The following FAAH2 variants were observed in gnomAD, a reference collection of about 807,000 sequenced individuals.
FAAH2 encodes the protein fatty-acid amide hydrolase 2.
In FAAH2, 60 loss-of-function variants were observed where a neutral mutation model predicts 36.9. That is an observed-to-expected ratio of 1.63 (90% CI 1.32 to 2.02). The LOEUF (loss-of-function observed/expected upper bound fraction) is 2.02. Ranked by LOEUF, FAAH2 falls within the 30% of genes most tolerant of loss-of-function variation. The probability of loss-of-function intolerance (pLI) is 0.00; values close to 1 mark genes in which losing one functional copy is unlikely to be tolerated. For missense variants in FAAH2, 689 were observed against 397.5 expected, an observed-to-expected ratio of 1.73 and a Z score of -6.23; for synonymous variants, 214 against 143.8, an observed-to-expected ratio of 1.49 and a Z score of -3.49.
At chrX:57,301,771 C>T (rs1393913804) in intron 2 of FAAH2, among the ~76,000 whole-genome samples, 1 of 111,331 alleles carries the variant, frequency 9.0e-6, no homozygotes, top group Non-Finnish European at 1.9e-5. Context: ...GGTTGTCTCA[C>T]CCACCAGACT....
intron 7 of FAAH2, among the ~76,000 whole-genome samples, chrX:57,431,555 A>T (rs2056295104): frequency 9.0e-6 from 1 of 110,990 alleles, no homozygotes; most frequent in Non-Finnish European, 1.9e-5. Context: ...TTCCATTCAT[A>T]TTCTTTCATT....
At chrX:57,392,768 G>A in intron 7 of FAAH2, 1 of 613,394 alleles carries the variant, frequency 1.6e-6, no homozygotes, top group South Asian at 2.2e-5. Flanking sequence ...CCCCGATGCT[G>A]GCATGGATGT....
chrX:57,249,140 G>A, the FAAH2 span, among the ~76,000 whole-genome samples: 4 of 111,626 alleles, frequency 3.6e-5, no homozygotes, highest in African/African-American at 1.3e-4. Context: ...TGAAATATGA[G>A]TTTGGAGCCA....
the FAAH2 span, among the ~76,000 whole-genome samples, chrX:57,263,444 C>G: frequency 0.45 from 49,796 of 110,402 alleles, 11,192 homozygotes; most frequent in African/African-American, 0.88. Context: ...ATAAATCAAG[C>G]GTTATCTAAA....
chrX:57,122,405 G>A, the FAAH2 span, among the ~76,000 whole-genome samples: 1 of 111,764 alleles, frequency 8.9e-6, no homozygotes, highest in Admixed American at 9.5e-5. Flanking sequence ...TTTTCTCCCA[G>A]TACTGGGCAT....
chrX:57,314,980 C>A (rs2052795993), intron 3 of FAAH2, among the ~76,000 whole-genome samples: 1 of 110,096 alleles, frequency 9.1e-6, no homozygotes, highest in Non-Finnish European at 1.9e-5. Context: ...TACAAAAGAT[C>A]AATGAAATTA....
chrX:57,135,404 G>A, the FAAH2 span: 54 of 162,321 alleles, frequency 3.3e-4, no homozygotes, highest in Admixed American at 6.1e-4. Context: ...CTCCCTTTCT[G>A]GCCCTTTTCC....
chrX:57,140,598 CAA>C, the FAAH2 span, among the ~76,000 whole-genome samples: 18,495 of 58,226 alleles, frequency 0.32, 1,833 homozygotes, highest in Middle Eastern at 0.53. Flanking sequence ...GACCCCGTCT[CAA>C]AAAAAAAAAA....
chrX:57,390,490 C>T (rs1301238871), intron 7 of FAAH2, among the ~76,000 whole-genome samples: 1 of 111,186 alleles, frequency 9.0e-6, no homozygotes, highest in Non-Finnish European at 1.9e-5. Flanking sequence ...CTACCTCCCA[C>T]CCTTCCATAT....
At chrX:57,211,417 G>T in the FAAH2 span, among the ~76,000 whole-genome samples, 5 of 111,513 alleles carry the variant, frequency 4.5e-5, no homozygotes, top group Non-Finnish European at 7.5e-5. Flanking sequence ...GTGTGATCCT[G>T]CCTTGCCTAG....
intron 7 of FAAH2, among the ~76,000 whole-genome samples, chrX:57,382,390 G>A (rs1336167828): frequency 9.0e-6 from 1 of 111,178 alleles, no homozygotes; most frequent in Non-Finnish European, 1.9e-5. Context: ...TCCAGATGCT[G>A]GTTTTTTGAC....
chrX:57,397,436 T>C (rs1370487982), intron 7 of FAAH2, among the ~76,000 whole-genome samples: 1 of 112,141 alleles, frequency 8.9e-6, no homozygotes, highest in East Asian at 2.8e-4. Context: ...ATTTAGTACT[T>C]CTATGAGCAT....
intron 4 of FAAH2, among the ~76,000 whole-genome samples, chrX:57,337,325 G>A (rs1255445943): frequency 9.4e-6 from 1 of 106,822 alleles, no homozygotes; most frequent in African/African-American, 3.4e-5. Flanking sequence ...TCTACCACAG[G>A]TACAAAGAGG....
the FAAH2 span, among the ~76,000 whole-genome samples, chrX:57,279,448 G>A: frequency 1.8e-5 from 2 of 111,813 alleles, no homozygotes; most frequent in African/African-American, 3.3e-5. Flanking sequence ...ACTGGTGCCT[G>A]TTGGGGACTG....
At chrX:57,155,502 T>C in the FAAH2 span, among the ~76,000 whole-genome samples, 1 of 112,015 alleles carries the variant, frequency 8.9e-6, no homozygotes, top group Non-Finnish European at 1.9e-5. Context: ...CTAGTCTCAC[T>C]CCCACCATGC....
At chrX:57,415,740 T>A (rs2055825793) in intron 7 of FAAH2, among the ~76,000 whole-genome samples, 1 of 111,462 alleles carries the variant, frequency 9.0e-6, no homozygotes, top group Admixed American at 9.6e-5. Context: ...GTCTGTTAGG[T>A]TCACTTGGTC....
the FAAH2 span, among the ~76,000 whole-genome samples, chrX:57,216,292 A>C: frequency 9.6e-6 from 1 of 103,902 alleles, no homozygotes; most frequent in Non-Finnish European, 2.0e-5. Context: ...GCTTCTCCAC[A>C]AGTCCCCAAA....
chrX:57,306,758 TAC>T (rs2052538797), intron 2 of FAAH2, among the ~76,000 whole-genome samples: 1 of 95,923 alleles, frequency 1.0e-5, no homozygotes, highest in Non-Finnish European at 2.1e-5. Context: ...ACTATATGTA[TAC>T]ACTATATATA....
At chrX:57,170,010 A>G in the FAAH2 span, among the ~76,000 whole-genome samples, 2 of 111,025 alleles carry the variant, frequency 1.8e-5, no homozygotes, top group African/African-American at 3.3e-5. Flanking sequence ...GTGTTCAAAC[A>G]TCAAAGCTGC....
Sources: allele counts gnomAD v4.1 joint callset (sites outside exome capture counted in the v4.1 genomes callset), GRCh38; gene constraint gnomAD v4.1.1; transcripts MANE v1.5; gene names NCBI Gene and HGNC (gene_info 2026-07-23, HGNC 2026-07-21).